The following PCDHA9 variants were observed in gnomAD, a reference collection of about 807,000 sequenced individuals.
PCDHA9 encodes protocadherin alpha 9.
A neutral mutation model predicts 62.0 loss-of-function variants in PCDHA9; 62 were observed. That is an observed-to-expected ratio of 1.00 (90% CI 0.81 to 1.23). PCDHA9 has a LOEUF of 1.23. PCDHA9 is among the 50% of genes most tolerant of loss of function. The pLI, the probability that PCDHA9 is intolerant of heterozygous loss-of-function variation, is 0.00. For synonymous variants in PCDHA9, 557 were observed against 567.6 expected (o/e 0.98, Z 0.27); for missense variants, 1,205 against 1,249.8 (o/e 0.96, Z 0.54).
chr5:140,965,496 ATTT>A (rs71766133), intron 1 of PCDHA9, among the ~76,000 whole-genome samples: 1 of 146,428 alleles, frequency 6.8e-6, no homozygotes. Flanking sequence ...ATGACAGCAG[ATTT>A]TTTTTTTTTT....
chr5:140,928,219 C>T (rs2153594773), intron 1 of PCDHA9: 1 of 1,614,166 alleles, frequency 6.2e-7, no homozygotes, highest in African/African-American at 1.3e-5. Flanking sequence ...TGACAATACA[C>T]CAAACTTTCC....
intron 1 of PCDHA9, chr5:140,871,156 G>A (rs200268029): frequency 4.7e-5 from 76 of 1,613,328 alleles, no homozygotes; most frequent in Admixed American, 3.0e-4. Context: ...TTTGGCGGGC[G>A]CCGCGAGCCC....
At chr5:140,869,161 C>T in intron 1 of PCDHA9, 1 of 1,613,852 alleles carries the variant, frequency 6.2e-7, no homozygotes, top group South Asian at 1.1e-5. Flanking sequence ...CTGGCTTCTC[C>T]TCCTCGAATT....
intron 1 of PCDHA9, among the ~76,000 whole-genome samples, chr5:140,897,090 C>G (rs1420408825): frequency 6.6e-6 from 1 of 151,950 alleles, no homozygotes; most frequent in Non-Finnish European, 1.5e-5. Context: ...ATTTTTTATC[C>G]TCATTAAAAA....
Position 140,851,965 on chromosome 5 carries a change from A to G in PCDHA9, c.2394+1076A>G, listed in dbSNP as rs564952826. On this transcript the variant is annotated intron_variant, in intron 1 of 3. Transcript: ENST00000532602. Reference sequence around the variant, plus strand: ...GTGACTTTCAAAATGGTGGTTTTCCACACTCTACCTTTAGTGCAAGCTATT... The same window carrying G: ...GTGACTTTCAAAATGGTGGTTTTCCGCACTCTACCTTTAGTGCAAGCTATT... 95 of 976,702 alleles carry G rather than the reference A, an allele frequency of 9.7e-5. 6 individuals are homozygous for G. The highest frequency in any genetic ancestry group is 1.2e-4 in the Non-Finnish European group (95 of 809,234). 60.5% of individuals were successfully genotyped at this position (976,702 alleles called of 1,614,324 possible).
chr5:140,876,469 C>T, intron 1 of PCDHA9: 1 of 1,613,956 alleles, frequency 6.2e-7, no homozygotes. Context: ...CATGGCAGGT[C>T]ACAGCATGGT....
chr5:140,927,422 T>G, intron 1 of PCDHA9: 1 of 1,614,028 alleles, frequency 6.2e-7, no homozygotes. Context: ...GGATCGCGGG[T>G]TGACGGCAGC....
chr5:140,901,146 C>T (rs1463079898), intron 1 of PCDHA9, among the ~76,000 whole-genome samples: 1 of 152,062 alleles, frequency 6.6e-6, no homozygotes, highest in Admixed American at 6.6e-5. Context: ...AATATTTTCT[C>T]TCAATCTGTG....
chr5:140,966,971 C>T lies in PCDHA9; in HGVS notation c.2395-11978C>T, dbSNP rs375161984. On this transcript the variant is annotated intron_variant, in intron 1 of 3. Coordinates refer to ENST00000532602, the MANE Select transcript of PCDHA9 (RefSeq NM_031857.2). ...CGTGGCTCGCGCGCTGGGGCTTGAG[C>T]TGCGGCGCTTGGGGCCGGGTTGCTT... 13 of 1,602,690 alleles carry T rather than the reference C, an allele frequency of 8.1e-6. No homozygotes were observed. The African/African-American group carries it at 1.7e-4, about 21-fold the overall frequency.
Position 140,874,848 on chromosome 5 carries a change from T to G in PCDHA9, c.2394+23959T>G, listed in dbSNP as rs143666233. ...GAAATATTGTTTGGTATTAGACATATTTTAGTTTCTTATCCTTTGTTAAAT... is the reference window on the plus strand; with the variant it reads ...GAAATATTGTTTGGTATTAGACATAGTTTAGTTTCTTATCCTTTGTTAAAT... On this transcript the variant is annotated intron_variant, in intron 1 of 3. Transcript: ENST00000532602. Among the ~76,000 whole-genome samples the G allele has an allele frequency of 6.0e-4, 92 of 152,344 alleles. 1 individual carries two copies. The East Asian group carries it at 0.017, about 27-fold the overall frequency.
chr5:140,988,021 T>C (rs2097278466), intron 3 of PCDHA9, among the ~76,000 whole-genome samples: 1 of 152,216 alleles, frequency 6.6e-6, no homozygotes. Context: ...AGCATGATTC[T>C]TAAGTTTTTT....
intron 1 of PCDHA9, among the ~76,000 whole-genome samples, chr5:140,951,626 C>T (rs1182328214): frequency 3.3e-5 from 5 of 152,062 alleles, no homozygotes; most frequent in African/African-American, 4.8e-5. Context: ...AAGGGGGAAA[C>T]CTGCCCCATG....
chr5:140,916,053 G>T (rs1378949362), intron 1 of PCDHA9, among the ~76,000 whole-genome samples: 1 of 152,104 alleles, frequency 6.6e-6, no homozygotes, highest in African/African-American at 2.4e-5. Flanking sequence ...AGGCAGAGGT[G>T]CCTCTCCCTG....
chr5:140,926,106 G>A (rs952874240), intron 1 of PCDHA9, among the ~76,000 whole-genome samples: 9 of 152,176 alleles, frequency 5.9e-5, no homozygotes, highest in African/African-American at 2.2e-4. Flanking sequence ...GGATACAAGA[G>A]GGTGCAGGAC....
intron 1 of PCDHA9, among the ~76,000 whole-genome samples, chr5:140,957,259 T>A (rs1554222896): frequency 6.6e-6 from 1 of 152,182 alleles, no homozygotes; most frequent in Admixed American, 6.5e-5. Context: ...TTTAAATATG[T>A]AAGCACTAGT....
At chr5:140,928,388 C>T in intron 1 of PCDHA9, 1 of 1,614,012 alleles carries the variant, frequency 6.2e-7, no homozygotes, top group Non-Finnish European at 8.5e-7. Flanking sequence ...AGCTTGCTGG[C>T]AGTGGAATCA....
intron 1 of PCDHA9, among the ~76,000 whole-genome samples, chr5:140,974,181 A>G (rs1361812242): frequency 3.9e-5 from 6 of 152,226 alleles, no homozygotes; most frequent in Non-Finnish European, 8.8e-5. Context: ...TAACTTGACA[A>G]ATGCAAAGGA....
intron 1 of PCDHA9, among the ~76,000 whole-genome samples, chr5:140,887,318 G>A (rs1485206878): frequency 6.6e-6 from 1 of 152,010 alleles, no homozygotes; most frequent in Non-Finnish European, 1.5e-5. Context: ...GGATAGTCTC[G>A]AACTCCTGAC....
At chr5:140,926,872 AC>A in intron 1 of PCDHA9, 1 of 1,525,488 alleles carries the variant, frequency 6.6e-7, no homozygotes, top group Non-Finnish European at 8.8e-7. Flanking sequence ...TGTTGGTGGA[AC>A]GTGGACGCCT....
Sources: gnomAD v4.1 joint callset for allele counts (sites outside exome capture counted in the v4.1 genomes callset) on GRCh38, gnomAD v4.1.1 for gene constraint, MANE v1.5 for transcripts, NCBI Gene and HGNC (gene_info 2026-07-23, HGNC 2026-07-21) for gene names.